MYO18B: variants seen among roughly 807,000 people sequenced by gnomAD.
MYO18B encodes the protein myosin XVIIIB.
In MYO18B, 204 loss-of-function variants were observed where a neutral mutation model predicts 273.0. The observed-to-expected ratio is 0.75, with a 90% confidence interval of 0.67 to 0.84. MYO18B has a LOEUF of 0.84. Among genes scored for constraint, MYO18B ranks in the 40% least tolerant of loss-of-function variants. MYO18B has a pLI of 0.00. For missense variants in MYO18B, 3,212 were observed against 3,287.6 expected (o/e 0.98, Z 0.56); for synonymous variants, 1,330 against 1,305.7 (o/e 1.02, Z -0.40).
intron 18 of MYO18B, 102 bp downstream of exon 18, chr22:25,843,996 C>A (rs1160904375): frequency 8.2e-6 from 9 of 1,091,250 alleles, no homozygotes; most frequent in East Asian, 2.6e-5. Flanking sequence ...GTGGGAGGGC[C>A]AGCCCAGGAA....
rs1299492412 is a variant in MYO18B at position 25,851,388 on chromosome 22, C to T, written c.3776-82C>T. 7 of 918,736 alleles carry T rather than the reference C, an allele frequency of 7.6e-6. No homozygotes were observed. The African/African-American group carries it at 9.8e-5, about 13-fold the overall frequency. The allele number at this position is 918,736 out of a possible 1,614,324, so 56.9% of individuals were successfully genotyped here. A position where few individuals can be genotyped will look rare whatever the true frequency, so the allele number is the denominator to read the frequency against. Reference sequence around the variant, plus strand: ...AGGCTAGGAAGCAGGACCCTGCACTCCTGTCTAGGGGTTTAGGGAACTGGG... The same window carrying T: ...AGGCTAGGAAGCAGGACCCTGCACTTCTGTCTAGGGGTTTAGGGAACTGGG... On this transcript the variant is annotated intron_variant, in intron 20 of 43. Transcript: ENST00000335473.
intron 24 of MYO18B, chr22:25,877,317 T>A (rs1407453028): frequency 1.3e-5 from 2 of 152,252 alleles, no homozygotes; most frequent in South Asian, 2.1e-4. Context: ...AAAAAAAAAA[T>A]TCATCTTTAA....
chr22:25,748,630 C>T (rs1292292541), intron 1 of MYO18B, among the ~76,000 whole-genome samples: 1 of 152,204 alleles, frequency 6.6e-6, no homozygotes, highest in African/African-American at 2.4e-5. Flanking sequence ...TTCACACCTG[C>T]TGCTCCCTGC....
At chr22:25,914,754 C>T (rs1256795337) in intron 33 of MYO18B, among the ~76,000 whole-genome samples, 9 of 120,098 alleles carry the variant, frequency 7.5e-5, no homozygotes, top group Admixed American at 3.4e-4. Context: ...TGAAGTGCAG[C>T]GGCGCGATCT....
chr22:26,012,645 A>G (rs1373977399), intron 42 of MYO18B, among the ~76,000 whole-genome samples: 1 of 152,180 alleles, frequency 6.6e-6, no homozygotes, highest in Non-Finnish European at 1.5e-5. Flanking sequence ...TATTTATAGG[A>G]AGGAAGGCTG....
At position 25,874,331 on chromosome 22, in the gene MYO18B, G is replaced by C; in HGVS notation, c.3997G>C (p.Glu1333Gln). 1 of 1,613,978 alleles carries C rather than the reference G, an allele frequency of 6.2e-7. No homozygotes were observed. The highest frequency in any genetic ancestry group is 8.5e-7 in the Non-Finnish European group (1 of 1,179,880). ...GATCTCCAGGCTTGAGAAGCAGCGA[G>C]AGAAGCTGGTATCTCAGAGCATCGT... is the stretch of plus-strand genomic sequence containing the variant. ...GVISRLEKQR[E>Q]KLVSQSIVLF... Residue 1333 changes from glutamate to glutamine, a missense_variant, in exon 23 of 44, where the codon GAG becomes CAG. Coordinates refer to ENST00000335473, the MANE Select transcript of MYO18B (RefSeq NM_032608.7).
At chr22:25,933,141 C>T (rs1250441953) in intron 34 of MYO18B, among the ~76,000 whole-genome samples, 1 of 151,980 alleles carries the variant, frequency 6.6e-6, no homozygotes, top group Non-Finnish European at 1.5e-5. Context: ...TAGAATGTTC[C>T]TCAATTTTGG....
the MYO18B span, among the ~76,000 whole-genome samples, chr22:26,045,075 T>G: frequency 5.1e-5 from 7 of 138,078 alleles, no homozygotes; most frequent in Admixed American, 1.4e-4. Context: ...TGGTTTTTGG[T>G]TTTTTTTTTG....
rs1177090415 is a variant in MYO18B, at chr22:25,802,218, A to G, written c.2521+4121A>G. 1.3e-5 allele frequency among the ~76,000 whole-genome samples: 2 copies of G among 152,126 alleles called. 1 individual carries two copies. The highest frequency in any genetic ancestry group is 2.9e-5 in the Non-Finnish European group (2 of 68,020). On this transcript the variant is annotated intron_variant, in intron 12 of 43. Coordinates refer to ENST00000335473, the MANE Select transcript of MYO18B (RefSeq NM_032608.7). ...GATTCAAGAACACACTTTACTTACA[A>G]CCACTGCTCTATTATAAAGGATACA...
intron 11 of MYO18B, among the ~76,000 whole-genome samples, chr22:25,789,131 C>T (rs1413817693): frequency 2.1e-5 from 3 of 145,540 alleles, no homozygotes; most frequent in African/African-American, 7.5e-5. Flanking sequence ...TCCTCTTCCT[C>T]CTCCTCCTCC....
intron 34 of MYO18B, among the ~76,000 whole-genome samples, chr22:25,926,862 G>T (rs2092428826): frequency 6.6e-6 from 1 of 152,198 alleles, no homozygotes; most frequent in Non-Finnish European, 1.5e-5. Flanking sequence ...CATGGCAGAA[G>T]AACGTGGATT....
intron 25 of MYO18B, among the ~76,000 whole-genome samples, chr22:25,880,592 A>G (rs2091307798): frequency 6.6e-6 from 1 of 152,042 alleles, no homozygotes; most frequent in African/African-American, 2.4e-5. Flanking sequence ...AATGAAACCC[A>G]TTTTTTCACC....
intron 41 of MYO18B, 77 bp downstream of exon 41, chr22:26,003,386 A>G: frequency 7.9e-7 from 1 of 1,272,474 alleles, no homozygotes; most frequent in Non-Finnish European, 1.1e-6. Flanking sequence ...TGCAGAGGGA[A>G]CATCCATGTC....
chr22:25,837,746 A>G (rs894114596), intron 17 of MYO18B, among the ~76,000 whole-genome samples: 6 of 152,226 alleles, frequency 3.9e-5, no homozygotes, highest in African/African-American at 1.4e-4. Context: ...GCAAGCTCAC[A>G]GTGCAAATTC....
chr22:25,845,355 A>G (rs2090204962), intron 18 of MYO18B, among the ~76,000 whole-genome samples: 1 of 152,218 alleles, frequency 6.6e-6, no homozygotes, highest in Non-Finnish European at 1.5e-5. Flanking sequence ...TGTCTCTACT[A>G]AAAACACAAA....
At chr22:25,950,774 G>A (rs1332746179) in intron 37 of MYO18B, among the ~76,000 whole-genome samples, 1 of 152,092 alleles carries the variant, frequency 6.6e-6, no homozygotes, top group African/African-American at 2.4e-5. Context: ...GTTCTACCAT[G>A]TTGGTTAGGC....
At chr22:25,907,096 G>T (rs1049545143) in intron 31 of MYO18B, among the ~76,000 whole-genome samples, 1 of 152,158 alleles carries the variant, frequency 6.6e-6, no homozygotes, top group Non-Finnish European at 1.5e-5. Context: ...TGTACCCTGG[G>T]GATTCTAATC....
intron 8 of MYO18B, among the ~76,000 whole-genome samples, chr22:25,778,382 G>T (rs2087000132): frequency 1.3e-5 from 2 of 152,156 alleles, no homozygotes; most frequent in Admixed American, 1.3e-4. Flanking sequence ...TTAAAAAAGA[G>T]TACCAATTAA....
intron 34 of MYO18B, among the ~76,000 whole-genome samples, chr22:25,933,741 T>C (rs191479695): frequency 1.1e-4 from 16 of 152,340 alleles, no homozygotes; most frequent in Admixed American, 2.0e-4. Context: ...TTTATGGATA[T>C]GTGGGTTTTG....
Sources: allele counts gnomAD v4.1 joint callset (sites outside exome capture counted in the v4.1 genomes callset), GRCh38; gene constraint gnomAD v4.1.1; transcripts MANE v1.5; gene names NCBI Gene and HGNC (gene_info 2026-07-23, HGNC 2026-07-21).